The following SENP1 variants were observed in gnomAD, a reference collection of about 807,000 sequenced individuals.
The protein encoded by SENP1 is SUMO specific peptidase 1.
SENP1 carries 21 observed loss-of-function variants against 93.0 expected under a neutral mutation model. That is an observed-to-expected ratio of 0.23 (90% CI 0.16 to 0.33). The LOEUF (loss-of-function observed/expected upper bound fraction) is 0.33, where lower values mean the gene tolerates loss of function less well. Ranked by LOEUF, SENP1 falls within the 10% of genes least tolerant of loss-of-function variation. The pLI, the probability that SENP1 is intolerant of heterozygous loss-of-function variation, is 1.00. For synonymous variants in SENP1, 256 were observed against 259.6 expected, an observed-to-expected ratio of 0.99 and a Z score of 0.13; for missense variants, 591 against 758.7, an observed-to-expected ratio of 0.78 and a Z score of 2.60.
intron 13 of SENP1, chr12:48,055,033 C>T (rs184883081): frequency 9.1e-6 from 2 of 219,628 alleles, no homozygotes; most frequent in African/African-American, 2.3e-5. Flanking sequence ...GCAAAGAATC[C>T]ATGCCTAAAT....
chr12:48,087,757 T>C (rs975062622), intron 5 of SENP1, among the ~76,000 whole-genome samples: 2 of 152,174 alleles, frequency 1.3e-5, no homozygotes, highest in Non-Finnish European at 1.5e-5. Context: ...CTGGAGTCCA[T>C]GTGCATAAAA....
chr12:48,088,059 T>C (rs1166942389), intron 5 of SENP1, among the ~76,000 whole-genome samples: 1 of 151,632 alleles, frequency 6.6e-6, no homozygotes, highest in Non-Finnish European at 1.5e-5. Flanking sequence ...TGACTATCTT[T>C]TTTTTTTTTT....
chr12:48,061,867 G>A (rs1201458340), intron 13 of SENP1, among the ~76,000 whole-genome samples: 3 of 152,188 alleles, frequency 2.0e-5, no homozygotes, highest in African/African-American at 7.2e-5. Context: ...TTATGGACAT[G>A]TGAACTGGCA....
At chr12:48,055,903 TAA>T (rs1336258239) in intron 13 of SENP1, among the ~76,000 whole-genome samples, 3 of 139,804 alleles carry the variant, frequency 2.1e-5, no homozygotes, top group African/African-American at 7.9e-5. Flanking sequence ...ATAAAAATAT[TAA>T]TATATTTATA....
At chr12:48,078,487 T>G (rs111877615) in intron 6 of SENP1, among the ~76,000 whole-genome samples, 3 of 151,584 alleles carry the variant, frequency 2.0e-5, no homozygotes, top group Non-Finnish European at 4.4e-5. Context: ...GGGTTTTCTA[T>G]ATATAAGATC....
At chr12:48,064,879 G>A (rs1592345838) in intron 12 of SENP1, among the ~76,000 whole-genome samples, 186 bp downstream of exon 12, 1 of 152,284 alleles carries the variant, frequency 6.6e-6, no homozygotes, top group East Asian at 1.9e-4. Flanking sequence ...GTTTTACCAT[G>A]TTGGCCAGGC....
chr12:48,068,722 T>C (rs1481095825), intron 9 of SENP1, among the ~76,000 whole-genome samples: 3 of 151,992 alleles, frequency 2.0e-5, no homozygotes, highest in Non-Finnish European at 4.4e-5. Flanking sequence ...CCAAGCACTA[T>C]GACCAGCAAT....
At chr12:48,095,230 T>C (rs969427674) in intron 4 of SENP1, among the ~76,000 whole-genome samples, 1 of 152,098 alleles carries the variant, frequency 6.6e-6, no homozygotes, top group African/African-American at 2.4e-5. Context: ...ATATTTATCA[T>C]CCCAATTTAT....
intron 14 of SENP1, among the ~76,000 whole-genome samples, chr12:48,048,390 G>C (rs1461235721): frequency 6.6e-6 from 1 of 152,182 alleles, no homozygotes; most frequent in Non-Finnish European, 1.5e-5. Flanking sequence ...GGGAATATAA[G>C]GTGAGTATCT....
chr12:48,060,711 G>A (rs961723629), intron 13 of SENP1, among the ~76,000 whole-genome samples: 6 of 152,112 alleles, frequency 3.9e-5, no homozygotes, highest in African/African-American at 1.4e-4. Flanking sequence ...CAGCCTCTCA[G>A]TGTTCGGATT....
At chr12:48,066,514 C>CTTT (rs1169603738) in intron 10 of SENP1, among the ~76,000 whole-genome samples, 1 of 141,004 alleles carries the variant, frequency 7.1e-6, no homozygotes, top group African/African-American at 2.6e-5. Context: ...ACAGGCACTT[C>CTTT]TTTTTTTTTT....
At chr12:48,046,235 G>T in intron 17 of SENP1, 121 bp downstream of exon 17, 1 of 658,002 alleles carries the variant, frequency 1.5e-6, no homozygotes, top group South Asian at 2.0e-5. Flanking sequence ...TGAATCATGG[G>T]CTGAAGCATG....
chr12:48,074,267 A>G, intron 8 of SENP1, 57 bp downstream of exon 8: 3 of 1,371,924 alleles, frequency 2.2e-6, no homozygotes, highest in Non-Finnish European at 3.0e-6. Context: ...TAATGAGCTA[A>G]TGAACAGTTA....
At chr12:48,094,390 T>C (rs1415150609) in intron 4 of SENP1, among the ~76,000 whole-genome samples, 1 of 149,622 alleles carries the variant, frequency 6.7e-6, no homozygotes, top group Admixed American at 6.6e-5. Context: ...AAAAAAAAAT[T>C]AAAAATAGGC....
intron 13 of SENP1, among the ~76,000 whole-genome samples, chr12:48,053,332 G>A (rs1941964049): frequency 6.6e-6 from 1 of 151,874 alleles, no homozygotes; most frequent in Non-Finnish European, 1.5e-5. Context: ...CAACAAAAAA[G>A]CCAGGCATGG....
At chr12:48,065,476 T>A in intron 11 of SENP1, 120 bp downstream of exon 11, 1 of 681,754 alleles carries the variant, frequency 1.5e-6, no homozygotes, top group Non-Finnish European at 2.5e-6. Flanking sequence ...CATAACATGC[T>A]ATGCTACCAT....
rs1469182807 is a variant in SENP1 at position 48,089,054 on chromosome 12, T to C, written c.221-94A>G. On this transcript the variant is annotated intron_variant, in intron 4 of 17. Coordinates refer to ENST00000549518, the MANE Select transcript of SENP1 (RefSeq NM_001267594.2). ...GACCAACCATTGTATTCCAAAGTAA[T>C]GTGGCATGTCACCATTTCTCTCATG... 5.9e-6 allele frequency: 9 copies of C among 1,533,508 alleles called. No individual in the cohort carries two copies. The Admixed American group carries it at 7.6e-5, about 13-fold the overall frequency. The allele number at this position is 1,533,508 out of a possible 1,614,324, so 95.0% of individuals were successfully genotyped here. A position where few individuals can be genotyped will look rare whatever the true frequency, so the allele number is the denominator to read the frequency against.
chr12:48,045,925 G>C (rs867399152), intron 17 of SENP1, among the ~76,000 whole-genome samples: 1 of 152,238 alleles, frequency 6.6e-6, no homozygotes, highest in Non-Finnish European at 1.5e-5. Context: ...CTCTCTAAGA[G>C]AAGACTGACC....
At chr12:48,104,202 CTCTG>C (rs1388380630) in intron 1 of SENP1, among the ~76,000 whole-genome samples, 1 of 129,358 alleles carries the variant, frequency 7.7e-6, no homozygotes, top group Admixed American at 1.0e-4. Flanking sequence ...CAGAGCGAGA[CTCTG>C]TCTAAAAAAA....
Sources: allele counts gnomAD v4.1 joint callset (sites outside exome capture counted in the v4.1 genomes callset), GRCh38; gene constraint gnomAD v4.1.1; transcripts MANE v1.5; gene names NCBI Gene and HGNC (gene_info 2026-07-23, HGNC 2026-07-21).